The following PLCG2 variants were observed in gnomAD, a reference collection of about 807,000 sequenced individuals.
PLCG2 encodes 1-phosphatidylinositol 4,5-bisphosphate phosphodiesterase gamma-2.
A neutral mutation model predicts 175.6 loss-of-function variants in PLCG2; 69 were observed. The observed-to-expected ratio is 0.39, with a 90% CI of 0.32 to 0.48. PLCG2 has a LOEUF of 0.48. Ranked by LOEUF, PLCG2 falls within the 20% of genes least tolerant of loss-of-function variation. The pLI, the probability that PLCG2 is intolerant of heterozygous loss-of-function variation, is 0.91. For missense variants in PLCG2, 1,798 were observed against 1,650.9 expected, an observed-to-expected ratio of 1.09 and a Z score of -1.54; for synonymous variants, 827 against 624.0, an observed-to-expected ratio of 1.33 and a Z score of -4.85.
chr16:81,803,611 T>C (rs1462563973), intron 2 of PLCG2, among the ~76,000 whole-genome samples: 1 of 147,844 alleles, frequency 6.8e-6, no homozygotes, highest in African/African-American at 2.5e-5. Flanking sequence ...TTTCTTTTCT[T>C]TTCTTTTCCT....
chr16:81,910,122 G>C (rs557650479), intron 17 of PLCG2, among the ~76,000 whole-genome samples: 1 of 151,904 alleles, frequency 6.6e-6, no homozygotes, highest in Non-Finnish European at 1.5e-5. Context: ...ATGGAGTCTC[G>C]CTCTGTCGCC....
At chr16:81,745,756 G>C (rs986362500) in intron 1 of PLCG2, among the ~76,000 whole-genome samples, 5 of 152,206 alleles carry the variant, frequency 3.3e-5, no homozygotes, top group South Asian at 2.1e-4. Context: ...ATTAGGGTCA[G>C]GGGGGAGCTT....
upstream of PLCG2, among the ~76,000 whole-genome samples, chr16:81,774,574 G>C (rs1567456238): frequency 6.6e-6 from 1 of 152,046 alleles, no homozygotes; most frequent in Non-Finnish European, 1.5e-5. Flanking sequence ...AAGGAAACTA[G>C]ACTCAAGGGC....
At chr16:81,829,044 C>T (rs1905155490) in intron 2 of PLCG2, among the ~76,000 whole-genome samples, 1 of 152,122 alleles carries the variant, frequency 6.6e-6, no homozygotes, top group Non-Finnish European at 1.5e-5. Flanking sequence ...AAGGACTGCC[C>T]CCTCTGCCCT....
chr16:81,923,521 G>T lies in PLCG2; in HGVS notation c.2344G>T (p.Ala782Ser). ...RTVKALYDYK[A>S]KRSDELSFCR... ...CGTGAAAGCTCTGTATGACTACAAA[G>T]CCAAGCGAAGCGATGAGCTGAGCTT... The change falls in exon 22 of 33, where the codon GCC becomes TCC. Residue 782 changes from alanine (A) to serine (S), a missense_variant. Ala to Ser is a moderately conservative substitution (Grantham distance 99). Coordinates refer to ENST00000564138, the MANE Select transcript of PLCG2 (RefSeq NM_002661.5). 1 of 1,613,724 alleles carries T rather than the reference G, an allele frequency of 6.2e-7. No homozygotes were observed.
At chr16:81,887,047 G>A (rs9938365) in intron 9 of PLCG2, among the ~76,000 whole-genome samples, 11,095 of 151,856 alleles carry the variant, frequency 0.073, 1,366 homozygotes, top group African/African-American at 0.25. Context: ...TTTGATAAAT[G>A]CAAAAACTTT....
chr16:81,815,331 G>T (rs1269524110), intron 2 of PLCG2, among the ~76,000 whole-genome samples: 1 of 152,162 alleles, frequency 6.6e-6, no homozygotes, highest in African/African-American at 2.4e-5. Flanking sequence ...CAGCAGGTTG[G>T]CAGCCACACA....
rs1245207772 is a variant in PLCG2 at position 81,960,940 on chromosome 16, C to G, written c.*2942C>G. ...GCCTGAGAAAATGCCCTTTTCTCAC[C>G]TTACAAAAGAAAATATGGCTGTCTC... On this transcript the variant is annotated 3_prime_UTR_variant, in exon 33 of 33. Transcript: ENST00000564138. 8.7e-6 allele frequency: 2 copies of G among 229,068 alleles called. No homozygotes were observed. Among genetic ancestry groups the G allele is most frequent in the East Asian group, 6.3e-5 (1 of 15,980 alleles). The allele number at this position is 229,068 out of a possible 1,614,324, so 14.2% of individuals were successfully genotyped here.
chr16:81,821,783 A>C (rs1290159531), intron 2 of PLCG2, among the ~76,000 whole-genome samples: 3 of 152,216 alleles, frequency 2.0e-5, no homozygotes, highest in East Asian at 3.8e-4. Flanking sequence ...AATGCTTTGC[A>C]TAACTTCCTA....
At chr16:81,858,185 C>A in intron 3 of PLCG2, 78 bp from the exon 4 acceptor site, 1 of 985,896 alleles carries the variant, frequency 1.0e-6, no homozygotes, top group Non-Finnish European at 1.6e-6. Flanking sequence ...TCTTCGTGAT[C>A]TGTATGGGGC....
chr16:81,855,986 T>G (rs1906663285), intron 3 of PLCG2, among the ~76,000 whole-genome samples: 1 of 152,204 alleles, frequency 6.6e-6, no homozygotes, highest in South Asian at 2.1e-4. Flanking sequence ...CCTGACCCCC[T>G]GTTCTTAATT....
intron 23 of PLCG2, among the ~76,000 whole-genome samples, chr16:81,927,514 C>T (rs186429085): frequency 6.6e-6 from 1 of 152,282 alleles, no homozygotes; most frequent in East Asian, 1.9e-4. Flanking sequence ...TATTGGACAG[C>T]CAGACATTGA....
At chr16:81,927,561 C>G (rs1432131813) in intron 23 of PLCG2, among the ~76,000 whole-genome samples, 1 of 152,104 alleles carries the variant, frequency 6.6e-6, no homozygotes, top group African/African-American at 2.4e-5. Context: ...TGGGCCTAAC[C>G]AGAGGTGAGA....
At chr16:81,845,829 A>G (rs186682959) in intron 2 of PLCG2, among the ~76,000 whole-genome samples, 5 of 152,274 alleles carry the variant, frequency 3.3e-5, no homozygotes, top group Admixed American at 3.3e-4. Context: ...CCAGATAGAA[A>G]ACCCTGGAGA....
chr16:81,827,873 C>T (rs1905106832), intron 2 of PLCG2, among the ~76,000 whole-genome samples: 1 of 151,976 alleles, frequency 6.6e-6, no homozygotes, highest in Admixed American at 6.6e-5. Flanking sequence ...GGTGGATCAC[C>T]TGAGGTCGGG....
In PLCG2 at chr16:81,958,411, GTAA is replaced by G. The variant is rs1911660097; in HGVS notation, c.*414_*416del. 2 of 247,518 alleles carry G rather than the reference GTAA, an allele frequency of 8.1e-6. No homozygotes were observed. The highest frequency in any genetic ancestry group is 4.4e-5 in the African/African-American group (2 of 45,648). The allele number at this position is 247,518 out of a possible 1,614,324, so 15.3% of individuals were successfully genotyped here. On this transcript the variant is annotated 3_prime_UTR_variant, in exon 33 of 33. Transcript: ENST00000564138. ...TGTCCATGGAGGATGAGCTGGAAAT[GTAA>G]GAAACTATTCATGAGATTCTGAAAA...
In PLCG2 at chr16:81,876,016, C is replaced by CTTTTTTT. The variant is rs547152035; in HGVS notation, c.649-4879_649-4873dup. Among the ~76,000 whole-genome samples the CTTTTTTT allele has an allele frequency of 3.1e-3, 353 of 114,968 alleles. 4 individuals are homozygous for CTTTTTTT. The highest frequency in any genetic ancestry group is 3.6e-3 in the Non-Finnish European group (206 of 57,068). The allele number at this position is 114,968 out of a possible 152,430, so 75.4% of individuals were successfully genotyped here. A position where few individuals can be genotyped will look rare whatever the true frequency, so the allele number is the denominator to read the frequency against. ...CTCTGGTTAGCTTTTCTTTTTCTTT[C>CTTTTTTT]TTTTTTTTTTTTTTTTTTTTTGTTT... On this transcript the variant is annotated intron_variant, in intron 7 of 32. Coordinates refer to ENST00000564138, the MANE Select transcript of PLCG2 (RefSeq NM_002661.5).
chr16:81,851,480 G>GT (rs1438107911), intron 2 of PLCG2, among the ~76,000 whole-genome samples: 1 of 152,106 alleles, frequency 6.6e-6, no homozygotes, highest in African/African-American at 2.4e-5. Context: ...ATGACGTGCT[G>GT]TTTTTTTACT....
intron 2 of PLCG2, among the ~76,000 whole-genome samples, chr16:81,816,827 C>G (rs1904574348): frequency 6.6e-6 from 1 of 151,840 alleles, no homozygotes; most frequent in Admixed American, 6.6e-5. Flanking sequence ...CTCCCAAGGT[C>G]CTGATGTCCA....
Sources: gnomAD v4.1 joint callset for allele counts (sites outside exome capture counted in the v4.1 genomes callset) on GRCh38, gnomAD v4.1.1 for gene constraint, MANE v1.5 for transcripts, NCBI Gene and HGNC (gene_info 2026-07-23, HGNC 2026-07-21) for gene names.